The following CPSF4L variants were observed in gnomAD, a reference collection of about 807,000 sequenced individuals.
The protein encoded by CPSF4L is putative cleavage and polyadenylation specificity factor subunit 4-like protein.
In CPSF4L, 18 loss-of-function variants were observed where a neutral mutation model predicts 24.0. The observed-to-expected ratio is 0.75, with a 90% confidence interval of 0.52 to 1.11. The LOEUF (loss-of-function observed/expected upper bound fraction) is 1.11, where lower values mean the gene tolerates loss of function less well. Ranked by LOEUF, CPSF4L falls within the 50% of genes least tolerant of loss-of-function variation. The probability of loss-of-function intolerance (pLI) is 0.00; values close to 1 mark genes in which losing one functional copy is unlikely to be tolerated. For synonymous variants in CPSF4L, 72 were observed against 77.2 expected (o/e 0.93, Z 0.35); for missense variants, 211 against 221.8 (o/e 0.95, Z 0.31).
At chr17:73,257,908 C>A in intron 2 of CPSF4L, 75 bp from the exon 3 acceptor site, 1 of 1,481,246 alleles carries the variant, frequency 6.8e-7, no homozygotes, top group Admixed American at 2.0e-5. Flanking sequence ...CCAGGGGATT[C>A]CCCAGGAGGG....
intron 2 of CPSF4L, among the ~76,000 whole-genome samples, chr17:73,260,660 G>C (rs892341354): frequency 2.6e-5 from 4 of 152,154 alleles, no homozygotes. Flanking sequence ...CCAGTTACTC[G>C]GGAGGCTGAG....
At chr17:73,247,359 G>A (rs776251543), downstream of CPSF4L, 2 of 1,613,916 alleles carry the variant, frequency 1.2e-6, no homozygotes, top group East Asian at 2.2e-5. Context: ...GTTTAAGTAG[G>A]AGAAGCCTTC....
rs769696298 is a variant in CPSF4L, at chr17:73,254,003, A to G, written c.331T>C (p.Ser111Pro). ...AAAGCTGGCTTCACATGGAGGAAGG[A>G]ACACTCCTTGTTGCTGCAGTCACCT... ...KFGDCSNKEC[S>P]FLHVKPAFKS... The change falls in exon 4 of 6, where the codon TCC (serine) becomes CCC (proline). Residue 111 changes from serine to proline, a missense_variant. Physicochemically the swap from Ser to Pro is moderately conservative, Grantham distance 74. Transcript: ENST00000344935. The G allele has an allele frequency of 6.4e-7, 1 of 1,551,550 alleles. No individual in the cohort carries two copies.
At chr17:73,258,858 A>G (rs775137477) in intron 2 of CPSF4L, among the ~76,000 whole-genome samples, 2 of 152,206 alleles carry the variant, frequency 1.3e-5, no homozygotes, top group Non-Finnish European at 2.9e-5. Flanking sequence ...TTGAATTCCC[A>G]TCTTTAAAAA....
At chr17:73,242,416 C>CAA in the CPSF4L span, 5 of 1,144,918 alleles carry the variant, frequency 4.4e-6, no homozygotes, top group South Asian at 7.6e-5. Flanking sequence ...AGTTTCTCTT[C>CAA]GGGCTGTTAA....
chr17:73,242,538 T>C, the CPSF4L span, among the ~76,000 whole-genome samples: 1 of 152,178 alleles, frequency 6.6e-6, no homozygotes, highest in African/African-American at 2.4e-5. Context: ...CCAAAGCTAA[T>C]AACAGCTACC....
chr17:73,261,927 C>T, upstream of CPSF4L: 4 of 787,090 alleles, frequency 5.1e-6, no homozygotes, highest in Non-Finnish European at 8.4e-6. Context: ...TCCCCCTTCA[C>T]CCCAGGGTGC....
downstream of CPSF4L, chr17:73,245,375 A>G (rs1599401272): frequency 3.0e-6 from 4 of 1,314,434 alleles, no homozygotes; most frequent in African/African-American, 3.0e-5. Context: ...TATTATTAAT[A>G]TAGACAGATC....
intron 3 of CPSF4L, among the ~76,000 whole-genome samples, chr17:73,254,373 T>C (rs1163675056): frequency 4.6e-5 from 7 of 152,218 alleles, no homozygotes; most frequent in African/African-American, 1.7e-4. Flanking sequence ...GATATTTCCA[T>C]GTCGCTGTAA....
chr17:73,242,470 G>A, the CPSF4L span: 1 of 638,518 alleles, frequency 1.6e-6, no homozygotes, highest in Middle Eastern at 2.6e-4. Flanking sequence ...AATGTGTGTT[G>A]TCTTCCTAGT....
At chr17:73,251,213 G>T in intron 5 of CPSF4L, 1 of 1,240,408 alleles carries the variant, frequency 8.1e-7, no homozygotes. Context: ...GTGAAACCAG[G>T]GTTCAAGATG....
chr17:73,257,332 C>T (rs763561307), intron 3 of CPSF4L, among the ~76,000 whole-genome samples: 1 of 151,990 alleles, frequency 6.6e-6, no homozygotes, highest in African/African-American at 2.4e-5. Context: ...GCCTGATATT[C>T]GAGAAGTTCT....
At chr17:73,255,022 C>A (rs986735791) in intron 3 of CPSF4L, among the ~76,000 whole-genome samples, 10 of 152,226 alleles carry the variant, frequency 6.6e-5, no homozygotes, top group African/African-American at 2.4e-4. Flanking sequence ...ATTCATCCCA[C>A]TTTCACTTCA....
intron 5 of CPSF4L, among the ~76,000 whole-genome samples, chr17:73,250,597 A>G (rs905855717): frequency 6.6e-6 from 1 of 152,214 alleles, no homozygotes; most frequent in African/African-American, 2.4e-5. Flanking sequence ...TTTAGAAGCT[A>G]TGAGAATGAA....
chr17:73,242,220 A>G, the CPSF4L span: 14 of 1,489,496 alleles, frequency 9.4e-6, no homozygotes, highest in Admixed American at 1.2e-4. Context: ...AAACAATGAC[A>G]GTGACTTCTG....
chr17:73,256,165 A>C (rs573155852), intron 3 of CPSF4L, among the ~76,000 whole-genome samples: 18 of 152,322 alleles, frequency 1.2e-4, no homozygotes, highest in African/African-American at 4.1e-4. Context: ...GGAGCACCTG[A>C]TCCCCAAACA....
chr17:73,249,916 A>G lies in CPSF4L; in HGVS notation c.498-1380T>C, dbSNP rs147597908. On this transcript the variant is annotated intron_variant, in intron 5 of 5. Transcript: ENST00000344935. The stretch of plus-strand genomic sequence containing the variant: ...CGGCAGCTGAAGCCATATACAGAGG[A>G]GCTGCCACGTGCAACCCAGACCTGT... The G allele has an allele frequency of 7.3e-3, 1,600 of 220,222 alleles. 13 individuals are homozygous for G. Among genetic ancestry groups the G allele is most frequent in the Non-Finnish European group, 9.5e-3 (1,069 of 112,592 alleles). The allele number at this position is 220,222 out of a possible 1,614,324, so 13.6% of individuals were successfully genotyped here. A position where few individuals can be genotyped will look rare whatever the true frequency, so the allele number is the denominator to read the frequency against.
chr17:73,258,012 C>CT (rs549043197), intron 2 of CPSF4L, among the ~76,000 whole-genome samples, 179 bp from the exon 3 acceptor site: 5,656 of 139,354 alleles, frequency 0.041, 309 homozygotes, highest in African/African-American at 0.12. Context: ...GAAGGGAGAG[C>CT]TTTTTTTTTT....
At chr17:73,249,152 G>A (rs1039692907) in intron 5 of CPSF4L, among the ~76,000 whole-genome samples, 4 of 152,088 alleles carry the variant, frequency 2.6e-5, no homozygotes, top group African/African-American at 9.7e-5. Context: ...GTCTGTGATG[G>A]TAGGAACTCA....
Sources: gnomAD v4.1 joint callset for allele counts (sites outside exome capture counted in the v4.1 genomes callset) on GRCh38, gnomAD v4.1.1 for gene constraint, MANE v1.5 for transcripts, NCBI Gene and HGNC (gene_info 2026-07-23, HGNC 2026-07-21) for gene names.